The following ABTB3 variants were observed in gnomAD, a reference collection of about 807,000 sequenced individuals.
ABTB3 encodes the protein ankyrin repeat- and BTB/POZ domain-containing protein 3.
At chr12:107,521,428 CA>C in the ABTB3 span, among the ~76,000 whole-genome samples, 1 of 152,062 alleles carries the variant, frequency 6.6e-6, no homozygotes, top group Non-Finnish European at 1.5e-5. Context: ...CTCTCTTCAT[CA>C]GGGATTTTAA....
chr12:107,639,942 G>A, the ABTB3 span, among the ~76,000 whole-genome samples: 1 of 152,214 alleles, frequency 6.6e-6, no homozygotes, highest in African/African-American at 2.4e-5. Flanking sequence ...ATGCAGTGGT[G>A]AGGGGACAGC....
chr12:107,440,727 A>AGAAGGGAGGCAGGGAAATG, the ABTB3 span, among the ~76,000 whole-genome samples: 2 of 152,176 alleles, frequency 1.3e-5, no homozygotes, highest in African/African-American at 4.8e-5. Context: ...GAAGAAGGAA[A>AGAAGGGAGGCAGGGAAATG]GAAGGGAGGC....
At chr12:107,423,576 G>A in the ABTB3 span, among the ~76,000 whole-genome samples, 80 of 152,232 alleles carry the variant, frequency 5.3e-4, 1 homozygote, top group Admixed American at 3.1e-3. Context: ...GTGTGGGGCC[G>A]GGAGGAGAGA....
the ABTB3 span, among the ~76,000 whole-genome samples, chr12:107,552,687 G>A: frequency 6.6e-6 from 1 of 152,184 alleles, no homozygotes; most frequent in African/African-American, 2.4e-5. Flanking sequence ...GAGGGACTTG[G>A]ATGGAGTCAC....
At chr12:107,414,550 C>T in the ABTB3 span, among the ~76,000 whole-genome samples, 1 of 151,984 alleles carries the variant, frequency 6.6e-6, no homozygotes, top group African/African-American at 2.4e-5. Context: ...CTTTAATTTC[C>T]TTCTTAAACG....
At chr12:107,448,383 A>C in the ABTB3 span, among the ~76,000 whole-genome samples, 4 of 152,212 alleles carry the variant, frequency 2.6e-5, no homozygotes, top group African/African-American at 9.6e-5. Context: ...TTGACCACTA[A>C]TTCCATGCTC....
chr12:107,579,690 C>G, the ABTB3 span, among the ~76,000 whole-genome samples: 25 of 152,368 alleles, frequency 1.6e-4, no homozygotes, highest in African/African-American at 5.8e-4. Flanking sequence ...ATCCTCTTCT[C>G]AATGCCATGG....
At chr12:107,534,274 A>G in the ABTB3 span, among the ~76,000 whole-genome samples, 1 of 152,090 alleles carries the variant, frequency 6.6e-6, no homozygotes, top group Non-Finnish European at 1.5e-5. Context: ...ATAACATACC[A>G]AGATCTATAG....
At chr12:107,637,464 C>T in the ABTB3 span, among the ~76,000 whole-genome samples, 1 of 151,946 alleles carries the variant, frequency 6.6e-6, no homozygotes, top group Middle Eastern at 3.2e-3. Flanking sequence ...AGGGTTGGCA[C>T]CAAGAAGAAA....
chr12:107,354,123 C>A, the ABTB3 span, among the ~76,000 whole-genome samples: 8 of 152,226 alleles, frequency 5.3e-5, no homozygotes. Context: ...GTTCCACAAC[C>A]TTCCCCCAAT....
At chr12:107,334,824 G>A in the ABTB3 span, among the ~76,000 whole-genome samples, 1 of 152,128 alleles carries the variant, frequency 6.6e-6, no homozygotes, top group Non-Finnish European at 1.5e-5. Context: ...AGCCAAGTGT[G>A]GAGGAGAACT....
the ABTB3 span, chr12:107,318,823 T>G: frequency 2.5e-6 from 3 of 1,200,248 alleles, no homozygotes; most frequent in Non-Finnish European, 1.1e-6. Flanking sequence ...CAGCGGCTAG[T>G]GGAAAAGTGA....
chr12:107,523,914 C>A, the ABTB3 span, among the ~76,000 whole-genome samples: 1 of 152,200 alleles, frequency 6.6e-6, no homozygotes, highest in Non-Finnish European at 1.5e-5. Context: ...ATGTGGCCCA[C>A]ACACACTGTC....
the ABTB3 span, chr12:107,319,454 T>C: frequency 1.9e-6 from 3 of 1,607,226 alleles, no homozygotes; most frequent in African/African-American, 4.0e-5. Context: ...CGTGCTGTCC[T>C]GGGGCCTGGC....
the ABTB3 span, among the ~76,000 whole-genome samples, chr12:107,550,438 C>T: frequency 6.7e-6 from 1 of 150,154 alleles, no homozygotes; most frequent in African/African-American, 2.5e-5. Flanking sequence ...GAATTATGGA[C>T]TCGTAATATG....
At chr12:107,443,275 A>G in the ABTB3 span, among the ~76,000 whole-genome samples, 1 of 151,668 alleles carries the variant, frequency 6.6e-6, no homozygotes, top group East Asian at 1.9e-4. Flanking sequence ...TAGCTTTTTT[A>G]AAAGCAAAGG....
the ABTB3 span, among the ~76,000 whole-genome samples, chr12:107,514,212 C>T: frequency 4.6e-5 from 7 of 152,340 alleles, no homozygotes; most frequent in East Asian, 1.4e-3. Flanking sequence ...TCTTGTCCCT[C>T]TTGCTCTACC....
the ABTB3 span, chr12:107,640,388 G>A: frequency 1.3e-6 from 2 of 1,592,014 alleles, no homozygotes; most frequent in Non-Finnish European, 1.7e-6. Context: ...TGCTCACAAA[G>A]TGCTGTTATT....
the ABTB3 span, among the ~76,000 whole-genome samples, chr12:107,614,292 C>T: frequency 6.6e-6 from 1 of 152,110 alleles, no homozygotes; most frequent in Non-Finnish European, 1.5e-5. Flanking sequence ...TCAGATTGTT[C>T]ATTCATGATG....
Sources: gnomAD v4.1 joint callset for allele counts (sites outside exome capture counted in the v4.1 genomes callset) on GRCh38, gnomAD v4.1.1 for gene constraint, MANE v1.5 for transcripts, NCBI Gene and HGNC (gene_info 2026-07-23, HGNC 2026-07-21) for gene names.